BCAS4: variants seen among roughly 807,000 people sequenced by gnomAD.
BCAS4 encodes breast carcinoma-amplified sequence 4.
Under a neutral mutation model 15.7 loss-of-function variants are expected in BCAS4, and 9 were observed. That is an observed-to-expected ratio of 0.57 (90% CI 0.34 to 1.00). The LOEUF (loss-of-function observed/expected upper bound fraction) is 1.00, where lower values mean the gene tolerates loss of function less well. Among genes scored for constraint, BCAS4 ranks in the 50% least tolerant of loss-of-function variants. The pLI, the probability that BCAS4 is intolerant of heterozygous loss-of-function variation, is 0.02. For missense variants in BCAS4, 225 were observed against 239.1 expected (o/e 0.94, Z 0.39); for synonymous variants, 101 against 99.5 (o/e 1.02, Z -0.09).
At chr20:50,818,441 TCTCTCTCTCTCTCG>T (rs1032636872) in intron 2 of BCAS4, among the ~76,000 whole-genome samples, 159 bp downstream of exon 2, 3 of 150,646 alleles carry the variant, frequency 2.0e-5, no homozygotes, top group East Asian at 3.9e-4. Context: ...CACTCCCTCC[TCTCTCTCTCTCTCG>T]CTCTCTCTCT....
intron 4 of BCAS4, among the ~76,000 whole-genome samples, chr20:50,845,955 G>T (rs966810142): frequency 1.3e-5 from 2 of 152,232 alleles, no homozygotes; most frequent in African/African-American, 4.8e-5. Flanking sequence ...GGCCCGAGGG[G>T]TCCGGTGCAG....
intron 3 of BCAS4, among the ~76,000 whole-genome samples, chr20:50,833,729 G>A (rs966639253): frequency 1.3e-5 from 2 of 152,182 alleles, no homozygotes; most frequent in African/African-American, 2.4e-5. Context: ...AATCCTTGTC[G>A]TATTCAACAA....
At chr20:50,797,126 C>T (rs1442890865) in intron 1 of BCAS4, among the ~76,000 whole-genome samples, 2 of 152,198 alleles carry the variant, frequency 1.3e-5, no homozygotes, top group Non-Finnish European at 2.9e-5. Context: ...GCATGTACCA[C>T]CATGCCTGGC....
At chr20:50,833,617 T>G (rs529103368) in intron 3 of BCAS4, among the ~76,000 whole-genome samples, 1 of 152,334 alleles carries the variant, frequency 6.6e-6, no homozygotes, top group South Asian at 2.1e-4. Context: ...TAGCCTGGGT[T>G]CAAGTCCTAG....
At chr20:50,850,752 C>T (rs1228674399) in intron 4 of BCAS4, among the ~76,000 whole-genome samples, 1 of 152,172 alleles carries the variant, frequency 6.6e-6, no homozygotes, top group Non-Finnish European at 1.5e-5. Flanking sequence ...GCCTACCGTG[C>T]TCACTCTTGG....
At chr20:50,844,007 G>A (rs1236390172) in intron 4 of BCAS4, among the ~76,000 whole-genome samples, 1 of 152,164 alleles carries the variant, frequency 6.6e-6, no homozygotes, top group Non-Finnish European at 1.5e-5. Flanking sequence ...AGCTGGGCAT[G>A]GTGGCGCATC....
intron 4 of BCAS4, chr20:50,876,230 C>A (rs1172304788): frequency 4.5e-6 from 2 of 445,286 alleles, no homozygotes; most frequent in Non-Finnish European, 4.2e-6. Context: ...GGATTACAGT[C>A]ATGAGCCACT....
At chr20:50,840,660 A>G in intron 3 of BCAS4, 1 of 1,612,740 alleles carries the variant, frequency 6.2e-7, no homozygotes. Context: ...TTTCTTTGGA[A>G]GGCAGTGGAT....
At chr20:50,871,433 C>G (rs1316657720) in intron 4 of BCAS4, among the ~76,000 whole-genome samples, 1 of 152,230 alleles carries the variant, frequency 6.6e-6, no homozygotes, top group East Asian at 1.9e-4. Flanking sequence ...TGTTTTCAGC[C>G]TCACACACCA....
intron 4 of BCAS4, among the ~76,000 whole-genome samples, chr20:50,848,168 A>C (rs537553158): frequency 5.2e-4 from 79 of 151,558 alleles, no homozygotes; most frequent in African/African-American, 1.7e-3. Flanking sequence ...GGGTGGGAAG[A>C]TTGCTTGAGC....
At chr20:50,864,660 C>A (rs2123841285) in intron 4 of BCAS4, among the ~76,000 whole-genome samples, 1 of 151,758 alleles carries the variant, frequency 6.6e-6, no homozygotes, top group East Asian at 2.0e-4. Context: ...CCAGGCTGAT[C>A]TCTAACTCCT....
At position 50,861,580 on chromosome 20, in the gene BCAS4, A is replaced by AG. The variant is rs945842246; in HGVS notation, c.400-14900dup. ...CACAGAGGGATGGGGTTGGCAGGTG[A>AG]GGGGGGTGCAGTTGTTTTGTGTGTC... On this transcript the variant is annotated intron_variant, in intron 4 of 4. Transcript: ENST00000371608. Among the ~76,000 whole-genome samples, 26 of 152,232 alleles carry AG rather than the reference A, an allele frequency of 1.7e-4. No homozygotes were observed. The East Asian group carries it at 4.6e-3, about 27-fold the overall frequency.
At chr20:50,850,872 T>C (rs1978373528) in intron 4 of BCAS4, among the ~76,000 whole-genome samples, 1 of 152,162 alleles carries the variant, frequency 6.6e-6, no homozygotes, top group Admixed American at 6.5e-5. Context: ...CCAGATTTCT[T>C]AGGGGGCGTG....
rs527359624 is a variant in BCAS4, at chr20:50,866,084, G to A, written c.400-10402G>A. On this transcript the variant is annotated intron_variant, in intron 4 of 4. Transcript: ENST00000371608. Reference sequence around the variant, plus strand: ...TGAGTCTCTCCTCAGCCTTTGACCAGCTGGGACCCTGGGCACGTGGCCTAG... The same window carrying A: ...TGAGTCTCTCCTCAGCCTTTGACCAACTGGGACCCTGGGCACGTGGCCTAG... Among the ~76,000 whole-genome samples, 4 of 152,282 alleles carry A rather than the reference G, an allele frequency of 2.6e-5. No individual in the cohort carries two copies. The South Asian group carries it at 8.3e-4, about 32-fold the overall frequency.
intron 3 of BCAS4, among the ~76,000 whole-genome samples, chr20:50,838,213 C>T (rs1454712299): frequency 6.6e-6 from 1 of 152,262 alleles, no homozygotes; most frequent in Non-Finnish European, 1.5e-5. Flanking sequence ...GGCCCTGTCT[C>T]CTGGACCAGG....
At chr20:50,809,582 G>A (rs2088035676) in intron 1 of BCAS4, among the ~76,000 whole-genome samples, 1 of 152,070 alleles carries the variant, frequency 6.6e-6, no homozygotes, top group Admixed American at 6.6e-5. Context: ...TGCTTTGGCT[G>A]TGAGGGCTCT....
chr20:50,865,398 C>T (rs1349920636), intron 4 of BCAS4, among the ~76,000 whole-genome samples: 2 of 152,140 alleles, frequency 1.3e-5, no homozygotes, highest in Non-Finnish European at 2.9e-5. Flanking sequence ...GCCGTGACAC[C>T]GACTCCCCCC....
intron 1 of BCAS4, among the ~76,000 whole-genome samples, chr20:50,812,760 A>G (rs1212969641): frequency 6.6e-6 from 1 of 151,944 alleles, no homozygotes; most frequent in East Asian, 1.9e-4. Flanking sequence ...TTTGACTGTA[A>G]TGAATATTGT....
chr20:50,847,141 C>T (rs1335671127), intron 4 of BCAS4, among the ~76,000 whole-genome samples: 1 of 150,692 alleles, frequency 6.6e-6, no homozygotes, highest in Non-Finnish European at 1.5e-5. Flanking sequence ...AAAAGCCAGC[C>T]GGTAGAGTGA....
Sources: allele counts gnomAD v4.1 joint callset (sites outside exome capture counted in the v4.1 genomes callset), GRCh38; gene constraint gnomAD v4.1.1; transcripts MANE v1.5; gene names NCBI Gene and HGNC (gene_info 2026-07-23, HGNC 2026-07-21).